VRK3: variants seen among roughly 807,000 people sequenced by gnomAD.
VRK3 encodes serine/threonine-protein kinase VRK3.
Under a neutral mutation model 60.4 loss-of-function variants are expected in VRK3, and 50 were observed. The observed-to-expected ratio is 0.83, with a 90% confidence interval of 0.66 to 1.05. The LOEUF (loss-of-function observed/expected upper bound fraction) is 1.05. Among genes scored for constraint, VRK3 ranks in the 50% least tolerant of loss-of-function variants. The probability of loss-of-function intolerance (pLI) is 0.00; values close to 1 mark genes in which losing one functional copy is unlikely to be tolerated. For missense variants in VRK3, 549 were observed against 585.3 expected (o/e 0.94, Z 0.64); for synonymous variants, 246 against 227.8 (o/e 1.08, Z -0.72).
rs997261453 is a variant in VRK3, at chr19:50,013,346, C to T, written c.139+2678G>A. ...AGTGCAAAGACAGAGGAGCCTGGGT[C>T]CCTTAGGGCATCATGGGGACACCAT... On this transcript the variant is annotated intron_variant, in intron 3 of 14. Transcript: ENST00000316763. Among the ~76,000 whole-genome samples, 10 of 152,266 alleles carry T rather than the reference C, an allele frequency of 6.6e-5. No homozygotes were observed. The East Asian group carries it at 1.9e-3, about 29-fold the overall frequency.
chr19:50,006,576 C>A (rs1369018973), intron 5 of VRK3, among the ~76,000 whole-genome samples: 1 of 151,988 alleles, frequency 6.6e-6, no homozygotes, highest in African/African-American at 2.4e-5. Flanking sequence ...AGGGTTTCAC[C>A]GCGTTAGCCA....
At chr19:49,978,598 C>G (rs2076370077) in intron 14 of VRK3, 1 of 153,876 alleles carries the variant, frequency 6.5e-6, no homozygotes, top group African/African-American at 2.4e-5. Context: ...TGTCCGTCAT[C>G]CACAGGAAGG....
intron 3 of VRK3, 98 bp downstream of exon 3, chr19:50,015,926 G>A: frequency 6.5e-7 from 1 of 1,536,740 alleles, no homozygotes; most frequent in South Asian, 1.2e-5. Flanking sequence ...TGTCAGGACA[G>A]GGTCAGACAG....
At chr19:50,010,642 G>A (rs2076980076) in intron 3 of VRK3, among the ~76,000 whole-genome samples, 1 of 152,256 alleles carries the variant, frequency 6.6e-6, no homozygotes, top group Non-Finnish European at 1.5e-5. Context: ...GCTGGGCGTG[G>A]TGGCTCATGC....
chr19:50,005,993 T>C (rs1368043281), intron 5 of VRK3, among the ~76,000 whole-genome samples: 1 of 149,126 alleles, frequency 6.7e-6, no homozygotes, highest in Non-Finnish European at 1.5e-5. Flanking sequence ...AGTTGCACCC[T>C]TTAAAAGAAT....
Position 50,016,140 on chromosome 19 carries a change from C to T in VRK3, c.23G>A (p.Cys8Tyr), listed in dbSNP as rs751428755. 38 of 1,614,092 alleles carry T rather than the reference C, an allele frequency of 2.4e-5. No homozygotes were observed. The highest frequency in any genetic ancestry group is 3.1e-5 in the Non-Finnish European group (37 of 1,180,056). MISFCPD[C>Y]GKSIQAAFKF... ...GAATGCCGCTTGGATACTTTTGCCA[C>T]AGTCTGGACAGAAGGAGATCATGCT... is the stretch of plus-strand genomic sequence containing the variant. Residue 8 changes from cysteine (C) to tyrosine (Y), a missense_variant, in exon 3 of 15, where the codon TGT (cysteine) becomes TAT (tyrosine). By Grantham distance (194) the Cys-to-Tyr change is radical (BLOSUM62 -2). Coordinates refer to ENST00000316763, the MANE Select transcript of VRK3 (RefSeq NM_016440.4).
intron 10 of VRK3, among the ~76,000 whole-genome samples, chr19:49,992,162 C>T (rs1050012861): frequency 6.6e-6 from 1 of 152,170 alleles, no homozygotes; most frequent in Non-Finnish European, 1.5e-5. Context: ...AATCCCAGCA[C>T]CTTGGGAGGC....
intron 12 of VRK3, 39 bp downstream of exon 12, chr19:49,988,333 C>G: frequency 6.4e-7 from 1 of 1,569,224 alleles, no homozygotes; most frequent in South Asian, 1.1e-5. Flanking sequence ...AGGGGTTCTG[C>G]TGACCACCTG....
chr19:50,012,754 A>T (rs2122533840), intron 3 of VRK3, among the ~76,000 whole-genome samples: 1 of 152,264 alleles, frequency 6.6e-6, no homozygotes, highest in Middle Eastern at 3.4e-3. Context: ...GCGCGGCTGT[A>T]ATACCAGCTA....
At chr19:49,981,660 C>T (rs2076424113) in intron 12 of VRK3, 3 of 978,660 alleles carry the variant, frequency 3.1e-6, no homozygotes. Flanking sequence ...ATCTGTGATC[C>T]TTAAGACGGA....
Position 49,997,555 on chromosome 19 carries a change from G to C in VRK3, c.628C>G (p.Arg210Gly). 1 of 1,613,804 alleles carries C rather than the reference G, an allele frequency of 6.2e-7. No homozygotes were observed. The highest frequency in any genetic ancestry group is 8.5e-7 in the Non-Finnish European group (1 of 1,179,860). The change falls in exon 7 of 15, where the codon CGC becomes GGC. Residue 210 changes from arginine (R) to glycine (G), a missense_variant. Coordinates refer to ENST00000316763, the MANE Select transcript of VRK3 (RefSeq NM_016440.4). ...AAGAAGTTCTGCTCATTGAACAAGCGCCCATCCTTGGCATCCTGGTGGGGG... is the reference window on the plus strand; with the variant it reads ...AAGAAGTTCTGCTCATTGAACAAGCCCCCATCCTTGGCATCCTGGTGGGGG... The part of the protein sequence containing the change: ...FSLKLDAKDG[R>G]LFNEQNFFQR...
intron 14 of VRK3, among the ~76,000 whole-genome samples, chr19:49,978,163 G>C (rs1338274079): frequency 6.6e-6 from 1 of 152,140 alleles, no homozygotes; most frequent in African/African-American, 2.4e-5. Flanking sequence ...CATGTCACAG[G>C]ATGTCAGGCA....
In VRK3 at chr19:49,994,790, G is replaced by C. The variant is rs371068429; in HGVS notation, c.870+24C>G. 6.2e-6 allele frequency: 10 copies of C among 1,604,150 alleles called. No individual in the cohort carries two copies. In the African/African-American group the frequency reaches 8.0e-5, roughly 13 times the overall value. On this transcript the variant is annotated intron_variant, in intron 9 of 14. Transcript: ENST00000316763. ...GTGATGTGCCCTCCCTGACGCGGCA[G>C]CTGAGCAACTTCTGGGTACGCACCA...
chr19:50,014,635 C>G (rs2077045328), intron 3 of VRK3, among the ~76,000 whole-genome samples: 1 of 152,102 alleles, frequency 6.6e-6, no homozygotes. Flanking sequence ...GGCATGCAGG[C>G]CCATAAGGGA....
At chr19:50,022,428 C>T (rs1354128670) in intron 1 of VRK3, among the ~76,000 whole-genome samples, 1 of 152,234 alleles carries the variant, frequency 6.6e-6, no homozygotes, top group East Asian at 1.9e-4. Context: ...AATCTATTTT[C>T]AACCCAGTAG....
chr19:49,985,496 A>AG (rs1182151456), intron 12 of VRK3, among the ~76,000 whole-genome samples: 2 of 152,104 alleles, frequency 1.3e-5, no homozygotes, highest in Non-Finnish European at 2.9e-5. Context: ...ATGGTCCTTC[A>AG]GGGGGCATTT....
intron 12 of VRK3, among the ~76,000 whole-genome samples, chr19:49,985,073 G>A (rs938804241): frequency 6.6e-6 from 1 of 152,196 alleles, no homozygotes; most frequent in Admixed American, 6.5e-5. Context: ...CTCCCTCATG[G>A]AAGCTGCAGT....
At chr19:50,004,361 CCTCT>C (rs1487318763) in intron 5 of VRK3, among the ~76,000 whole-genome samples, 1 of 152,104 alleles carries the variant, frequency 6.6e-6, no homozygotes, top group Non-Finnish European at 1.5e-5. Flanking sequence ...CTTTCTCCTC[CCTCT>C]GTGCTCCTCG....
chr19:49,981,156 C>T (rs756914152), intron 12 of VRK3, 143 bp from the exon 13 acceptor site: 1 of 752,076 alleles, frequency 1.3e-6, no homozygotes, highest in Non-Finnish European at 2.3e-6. Context: ...CTTAAAGTCA[C>T]TGTGAACACT....
Sources: allele counts gnomAD v4.1 joint callset (sites outside exome capture counted in the v4.1 genomes callset), GRCh38; gene constraint gnomAD v4.1.1; transcripts MANE v1.5; gene names NCBI Gene and HGNC (gene_info 2026-07-23, HGNC 2026-07-21).